The following TIMM50 variants were observed in gnomAD, a reference collection of about 807,000 sequenced individuals.
The protein encoded by TIMM50 is translocase of inner mitochondrial membrane 50.
Under a neutral mutation model 49.6 loss-of-function variants are expected in TIMM50, and 34 were observed. The ratio of observed to expected loss-of-function variants is 0.69; its 90% confidence interval spans 0.52 to 0.91. TIMM50 has a LOEUF of 0.91. Among genes scored for constraint, TIMM50 ranks in the 40% least tolerant of loss-of-function variants. TIMM50 has a pLI of 0.00. For synonymous variants in TIMM50, 199 were observed against 198.4 expected, an observed-to-expected ratio of 1.00 and a Z score of -0.03; for missense variants, 458 against 477.8, an observed-to-expected ratio of 0.96 and a Z score of 0.39.
chr19:39,483,081 A>T, intron 3 of TIMM50, 54 bp from the exon 4 acceptor site: 5 of 1,613,086 alleles, frequency 3.1e-6, no homozygotes, highest in Non-Finnish European at 4.2e-6. Flanking sequence ...TCTGTATGTG[A>T]TGGGGTTCTG....
At chr19:39,481,754 G>A in intron 1 of TIMM50, 129 bp from the exon 2 acceptor site, 2 of 1,201,368 alleles carry the variant, frequency 1.7e-6, no homozygotes, top group East Asian at 2.4e-5. Flanking sequence ...CTACTCCAGG[G>A]ACACAGATGT....
At chr19:39,487,698 A>G (rs1568442804) in intron 8 of TIMM50, among the ~76,000 whole-genome samples, 2 of 152,276 alleles carry the variant, frequency 1.3e-5, no homozygotes, top group South Asian at 2.1e-4. Context: ...AGCTCAGGCA[A>G]TCTGCCCACC....
chr19:39,485,338 C>T, intron 4 of TIMM50: 1 of 614,916 alleles, frequency 1.6e-6, no homozygotes. Flanking sequence ...ATATAAGTAT[C>T]AGCTTAAAAT....
chr19:39,487,909 C>G (rs2079518220), intron 8 of TIMM50, 152 bp from the exon 9 acceptor site: 1 of 1,197,154 alleles, frequency 8.4e-7, no homozygotes, highest in Non-Finnish European at 1.1e-6. Flanking sequence ...GGGGTCGATG[C>G]CATCATCCAA....
chr19:39,488,709 CAG>C, intron 10 of TIMM50, 64 bp downstream of exon 10: 1 of 1,310,990 alleles, frequency 7.6e-7, no homozygotes, highest in Non-Finnish European at 1.1e-6. Flanking sequence ...GAGCCTGGGG[CAG>C]TCCATCTCCA....
rs371321785 is a variant in TIMM50, at chr19:39,485,692, T to C, written c.377T>C (p.Ile126Thr). Reference sequence around the variant, plus strand: ...CATCCTGTCCCTCTCCCACAGATGATCATCGAGCCCACCAGCCCTTGCCTT... The same window carrying C: ...CATCCTGTCCCTCTCCCACAGATGACCATCGAGCCCACCAGCCCTTGCCTT... ...YKYFKDYRQM[I>T]IEPTSPCLLP... Residue 126 changes from isoleucine (I) to threonine (T), a missense_variant, in exon 6 of 11, where the codon ATC becomes ACC. Coordinates refer to ENST00000607714, the MANE Select transcript of TIMM50 (RefSeq NM_001001563.5). 5.6e-6 allele frequency: 9 copies of C among 1,613,966 alleles called. No homozygotes were observed. The highest frequency in any genetic ancestry group is 7.6e-6 in the Non-Finnish European group (9 of 1,180,034).
At chr19:39,487,882 A>T in intron 8 of TIMM50, 179 bp from the exon 9 acceptor site, 1 of 868,774 alleles carries the variant, frequency 1.2e-6, no homozygotes, top group Non-Finnish European at 1.7e-6. Flanking sequence ...GTGAGCCACC[A>T]TGCCTGGCCC....
chr19:39,483,764 A>T (rs1308234187), intron 4 of TIMM50, among the ~76,000 whole-genome samples: 1 of 152,228 alleles, frequency 6.6e-6, no homozygotes, highest in Non-Finnish European at 1.5e-5. Flanking sequence ...TCAACAAATC[A>T]GTATGCTGAT....
At position 39,486,368 on chromosome 19, in the gene TIMM50, A is replaced by T. The variant is rs376101918; in HGVS notation, c.598-29A>T. ...ATCTGGAGGACCAGGGCTCAGCCTG[A>T]CCTTTTCTCGCTCCCTTCCCACCCC... On this transcript the variant is annotated intron_variant, in intron 7 of 10. Transcript: ENST00000607714. 6 of 1,613,498 alleles carry T rather than the reference A, an allele frequency of 3.7e-6. No homozygotes were observed. In the South Asian group the frequency reaches 5.5e-5, roughly 15 times the overall value.
In TIMM50 at chr19:39,493,183, A is replaced by C. The variant is rs1056584715; in HGVS notation, c.*3363A>C. The C allele has an allele frequency of 1.3e-5, 2 of 151,332 alleles. No homozygotes were observed. Among genetic ancestry groups the C allele is most frequent in the African/African-American group, 4.9e-5 (2 of 41,100 alleles). The allele number at this position is 151,332 out of a possible 1,614,324, so 9.4% of individuals were successfully genotyped here. ...GGGTGCACTGTCTGTAAGCCGGTGGAGTTATTTCCCAAAATCCTTGGTCCT... is the reference window on the plus strand; with the variant it reads ...GGGTGCACTGTCTGTAAGCCGGTGGCGTTATTTCCCAAAATCCTTGGTCCT... On this transcript the variant is annotated 3_prime_UTR_variant, in exon 11 of 11. Transcript: ENST00000607714.
At position 39,486,533 on chromosome 19, in the gene TIMM50, G is replaced by T. The variant is rs8112528; in HGVS notation, c.696+38G>T. ...CATGGGTGGGCCTCTGGGATTTGGC[G>T]GAGTTGGCACCACCTGAGGGAAGGA... On this transcript the variant is annotated intron_variant, in intron 8 of 10. Coordinates refer to ENST00000607714, the MANE Select transcript of TIMM50 (RefSeq NM_001001563.5). The T allele has an allele frequency of 2.5e-6, 4 of 1,589,322 alleles. No homozygotes were observed. In the Admixed American group the frequency reaches 5.0e-5, roughly 20 times the overall value.
chr19:39,483,050 T>G, intron 3 of TIMM50, 85 bp from the exon 4 acceptor site: 1 of 1,609,068 alleles, frequency 6.2e-7, no homozygotes, highest in Non-Finnish European at 8.5e-7. Flanking sequence ...CTGTTCCTCT[T>G]GGGGTCCTGG....
chr19:39,484,164 G>A (rs925523460), intron 4 of TIMM50, among the ~76,000 whole-genome samples: 4 of 151,942 alleles, frequency 2.6e-5, no homozygotes, highest in African/African-American at 9.7e-5. Flanking sequence ...AATATATTGT[G>A]TTTTTTTTAA....
At position 39,488,038 on chromosome 19, in the gene TIMM50, C is replaced by T. The variant is rs201912175; in HGVS notation, c.697-23C>T. The T allele has an allele frequency of 1.6e-5, 26 of 1,596,730 alleles. 1 individual carries two copies. Among genetic ancestry groups the T allele is most frequent in the South Asian group, 7.8e-5 (7 of 89,884 alleles). On this transcript the variant is annotated intron_variant, in intron 8 of 10. Coordinates refer to ENST00000607714, the MANE Select transcript of TIMM50 (RefSeq NM_001001563.5). ...GGGGAGAGTTGGGCACAGATGTTGA[C>T]CTGATCTGTCACTCACTTCCAGGAT... is the stretch of plus-strand genomic sequence containing the variant.
Position 39,491,082 on chromosome 19 carries a change from G to A in TIMM50, c.*1262G>A, listed in dbSNP as rs2079541852. The A allele has an allele frequency of 2.0e-5, 3 of 151,992 alleles. No homozygotes were observed. Among genetic ancestry groups the A allele is most frequent in the Admixed American group, 6.6e-5 (1 of 15,256 alleles). The allele number at this position is 151,992 out of a possible 1,614,324, so 9.4% of individuals were successfully genotyped here. On this transcript the variant is annotated 3_prime_UTR_variant, in exon 11 of 11. Transcript: ENST00000607714. ...AACTAAAACAGGCAGATATGTAGCA[G>A]TGTTCTCCACTGGAACTTTCTGTGA...
chr19:39,483,093 C>G, intron 3 of TIMM50, 42 bp from the exon 4 acceptor site: 1 of 1,613,928 alleles, frequency 6.2e-7, no homozygotes, highest in Non-Finnish European at 8.5e-7. Flanking sequence ...GGGGTTCTGC[C>G]TCTGACATCC....
chr19:39,489,492 C>T (rs1272656615), intron 10 of TIMM50, among the ~76,000 whole-genome samples: 3 of 152,066 alleles, frequency 2.0e-5, no homozygotes, highest in Admixed American at 6.6e-5. Flanking sequence ...AGCCTAGGCT[C>T]CTGCGGCTCA....
Position 39,488,650 on chromosome 19 carries a change from G to T in TIMM50, c.960+5G>T, listed in dbSNP as rs1283397325. 6.2e-7 allele frequency: 1 copy of T among 1,612,496 alleles called. No individual in the cohort carries two copies. Among genetic ancestry groups the T allele is most frequent in the South Asian group, 1.1e-5 (1 of 91,044 alleles). Reference sequence around the variant, plus strand: ...CGGCAAAGCCGGCTAGAGCAGGTTGGTGCTCAGATGCCCAGAGTGGAGGAT... The same window carrying T: ...CGGCAAAGCCGGCTAGAGCAGGTTGTTGCTCAGATGCCCAGAGTGGAGGAT... On this transcript the variant is annotated splice_donor_5th_base_variant and intron_variant, in intron 10 of 10. Coordinates refer to ENST00000607714, the MANE Select transcript of TIMM50 (RefSeq NM_001001563.5).
chr19:39,481,979 T>C lies in TIMM50; in HGVS notation c.205T>C (p.Trp69Arg). The change falls in exon 2 of 11, where the codon TGG becomes CGG. Residue 69 changes from tryptophan (W) to arginine (R), a missense_variant. Trp to Arg is a moderately radical substitution (Grantham distance 101, BLOSUM62 -3). Coordinates refer to ENST00000607714, the MANE Select transcript of TIMM50 (RefSeq NM_001001563.5). The stretch of plus-strand genomic sequence containing the variant: ...CAGCTATGCCAAAAAAGTTGCGCTC[T>C]GGCTTGCTGGGCTGCTTGGAGCTGG... ...GPSYAKKVAL[W>R]LAGLLGAGGT... is the part of the protein sequence containing the mutation. 2 of 1,614,218 alleles carry C rather than the reference T, an allele frequency of 1.2e-6. No individual in the cohort carries two copies. Among genetic ancestry groups the C allele is most frequent in the Non-Finnish European group, 1.7e-6 (2 of 1,180,022 alleles).
Sources: gnomAD v4.1 joint callset for allele counts (sites outside exome capture counted in the v4.1 genomes callset) on GRCh38, gnomAD v4.1.1 for gene constraint, MANE v1.5 for transcripts, NCBI Gene and HGNC (gene_info 2026-07-23, HGNC 2026-07-21) for gene names.